Variants in ANKRD45 observed in about 807,000 individuals in gnomAD.
ANKRD45 encodes ankyrin repeat domain 45, also known as ankyrin repeat domain-containing protein 45.
ANKRD45 carries 21 observed loss-of-function variants against 28.1 expected under a neutral mutation model. The observed-to-expected ratio is 0.75, with a 90% CI of 0.53 to 1.08. The LOEUF is 1.08. ANKRD45 is among the 50% of genes least tolerant of loss of function. The pLI is 0.00. For synonymous variants in ANKRD45, 86 were observed against 103.9 expected (o/e 0.83, Z 1.05); for missense variants, 261 against 308.7 (o/e 0.85, Z 1.16).
chr1:173,663,054 AACACACACAC>A (rs60072209), intron 1 of ANKRD45, among the ~76,000 whole-genome samples: 30 of 140,344 alleles, frequency 2.1e-4, no homozygotes, highest in African/African-American at 6.8e-4. Context: ...CCACCCTTCC[AACACACACAC>A]ACACACACAC....
At chr1:173,715,182 G>A in the ANKRD45 span, 1 of 152,404 alleles carries the variant, frequency 6.6e-6, no homozygotes, top group African/African-American at 2.4e-5. Flanking sequence ...ATGGGGTCAG[G>A]TCGGTCGCCT....
intron 3 of ANKRD45, chr1:173,636,770 A>T (rs1668462930): frequency 8.5e-7 from 1 of 1,180,844 alleles, no homozygotes; most frequent in East Asian, 2.5e-5. Flanking sequence ...ACTATACTAT[A>T]GTATTGAACT....
At chr1:173,705,890 C>A in the ANKRD45 span, among the ~76,000 whole-genome samples, 2 of 152,020 alleles carry the variant, frequency 1.3e-5, no homozygotes, top group East Asian at 3.9e-4. Context: ...ACTATAAATA[C>A]ATATACACTT....
the ANKRD45 span, among the ~76,000 whole-genome samples, chr1:173,695,971 T>A: frequency 2.0e-5 from 3 of 152,168 alleles, no homozygotes; most frequent in Admixed American, 2.0e-4. Context: ...CAAAACTTCA[T>A]TACCAATTTT....
At chr1:173,612,165 G>A (rs963633472) in intron 5 of ANKRD45, among the ~76,000 whole-genome samples, 1 of 151,974 alleles carries the variant, frequency 6.6e-6, no homozygotes, top group Non-Finnish European at 1.5e-5. Context: ...GATTGCTTGG[G>A]CCCAGGGAGG....
chr1:173,708,677 A>C, the ANKRD45 span, among the ~76,000 whole-genome samples: 1 of 152,252 alleles, frequency 6.6e-6, no homozygotes, highest in Non-Finnish European at 1.5e-5. Flanking sequence ...CTTATCCAAT[A>C]ATGTGGAATG....
At chr1:173,677,014 C>T in the ANKRD45 span, among the ~76,000 whole-genome samples, 296 of 151,244 alleles carry the variant, frequency 2.0e-3, no homozygotes, top group Non-Finnish European at 3.2e-3. Flanking sequence ...TTTAAGGAAC[C>T]GGGAATATCT....
chr1:173,615,421 T>TAC (rs1558116513), intron 5 of ANKRD45, among the ~76,000 whole-genome samples: 33 of 150,442 alleles, frequency 2.2e-4, no homozygotes, highest in African/African-American at 7.1e-4. Flanking sequence ...CCAAGTGTAG[T>TAC]GCTGAAGTGC....
chr1:173,665,897 C>T (rs898046967), intron 1 of ANKRD45, among the ~76,000 whole-genome samples: 1 of 151,820 alleles, frequency 6.6e-6, no homozygotes, highest in African/African-American at 2.4e-5. Flanking sequence ...GCCTGTGGTC[C>T]CAGCTACTTG....
chr1:173,678,580 A>T, the ANKRD45 span, among the ~76,000 whole-genome samples: 1 of 152,234 alleles, frequency 6.6e-6, no homozygotes, highest in Non-Finnish European at 1.5e-5. Flanking sequence ...AATAAGAGCT[A>T]TTTATGACAA....
chr1:173,702,041 C>A, the ANKRD45 span, among the ~76,000 whole-genome samples: 5 of 152,230 alleles, frequency 3.3e-5, no homozygotes, highest in East Asian at 7.7e-4. Context: ...ACAAAGTACA[C>A]TGGTGAACAC....
intron 3 of ANKRD45, among the ~76,000 whole-genome samples, chr1:173,630,594 A>C (rs1332126581): frequency 6.7e-6 from 1 of 148,204 alleles, no homozygotes; most frequent in Non-Finnish European, 1.5e-5. Context: ...CACATCTATA[A>C]TCCCAGCACT....
the ANKRD45 span, among the ~76,000 whole-genome samples, chr1:173,707,793 G>GATCTTCCC: frequency 4.6e-5 from 7 of 152,190 alleles, no homozygotes; most frequent in African/African-American, 1.7e-4. Flanking sequence ...CCCAGGCTCA[G>GATCTTCCC]ATCTTCCCAT....
At chr1:173,703,262 G>GAC in the ANKRD45 span, among the ~76,000 whole-genome samples, 1 of 148,846 alleles carries the variant, frequency 6.7e-6, no homozygotes, top group Non-Finnish European at 1.5e-5. Flanking sequence ...GGAGTGCAGT[G>GAC]ACACGATCTC....
At chr1:173,672,547 T>A (rs1262628819), upstream of ANKRD45, among the ~76,000 whole-genome samples, 1 of 152,210 alleles carries the variant, frequency 6.6e-6, no homozygotes, top group Admixed American at 6.5e-5. Flanking sequence ...ATTAAACAAC[T>A]AAAAATTAAA....
rs144113895 is a variant in ANKRD45, at chr1:173,624,748, C to A, written c.730+39G>T. On this transcript the variant is annotated intron_variant, in intron 5 of 5. Coordinates refer to ENST00000333279, the MANE Select transcript of ANKRD45 (RefSeq NM_198493.3). ...TAACAACATTGAACTTAATTTTCATCCCTTCTGACATTCAAACCACCTTTT... is the reference window on the plus strand; with the variant it reads ...TAACAACATTGAACTTAATTTTCATACCTTCTGACATTCAAACCACCTTTT... 274 of 1,576,872 alleles carry A rather than the reference C, an allele frequency of 1.7e-4. 1 individual carries two copies. In the African/African-American group the frequency reaches 3.2e-3, roughly 19 times the overall value.
At chr1:173,636,467 T>C (rs1269986674) in intron 3 of ANKRD45, among the ~76,000 whole-genome samples, 1 of 152,196 alleles carries the variant, frequency 6.6e-6, no homozygotes, top group African/African-American at 2.4e-5. Context: ...AAATGTTTTC[T>C]TATTTTTAAA....
In ANKRD45 at chr1:173,610,088, G is replaced by T. The variant is rs1667076418; in HGVS notation, c.*57C>A. On this transcript the variant is annotated 3_prime_UTR_variant, in exon 6 of 6. Coordinates refer to ENST00000333279, the MANE Select transcript of ANKRD45 (RefSeq NM_198493.3). ...CTGTTTTCTCGATTTCAAATGGCATGAATAGGTTTGCCTTTCAGATACTAA... is the reference window on the plus strand; with the variant it reads ...CTGTTTTCTCGATTTCAAATGGCATTAATAGGTTTGCCTTTCAGATACTAA... 1 of 1,506,266 alleles carries T rather than the reference G, an allele frequency of 6.6e-7. No individual in the cohort carries two copies. Among genetic ancestry groups the T allele is most frequent in the African/African-American group, 1.4e-5 (1 of 72,040 alleles). 93.3% of individuals were successfully genotyped at this position (1,506,266 alleles called of 1,614,324 possible).
chr1:173,622,812 C>T (rs538666004), intron 5 of ANKRD45, among the ~76,000 whole-genome samples: 198 of 152,206 alleles, frequency 1.3e-3, no homozygotes, highest in Admixed American at 2.4e-3. Context: ...CAAATAGGAT[C>T]TAATTAAACT....
Sources: allele counts gnomAD v4.1 joint callset (sites outside exome capture counted in the v4.1 genomes callset), GRCh38; gene constraint gnomAD v4.1.1; transcripts MANE v1.5; gene names NCBI Gene and HGNC (gene_info 2026-07-23, HGNC 2026-07-21).